GPM6A: variants seen among roughly 807,000 people sequenced by gnomAD.
GPM6A encodes glycoprotein M6A, also known as neuronal membrane glycoprotein M6-a.
Under a neutral mutation model 32.1 loss-of-function variants are expected in GPM6A, and 7 were observed. The ratio of observed to expected loss-of-function variants is 0.22; its 90% CI spans 0.12 to 0.41. The LOEUF (loss-of-function observed/expected upper bound fraction) is 0.41, where lower values mean the gene tolerates loss of function less well. Among genes scored for constraint, GPM6A ranks in the 10% least tolerant of loss-of-function variants. GPM6A has a pLI of 1.00. For missense variants in GPM6A, 235 were observed against 347.2 expected (o/e 0.68, Z 2.57); for synonymous variants, 130 against 123.4 (o/e 1.05, Z -0.35).
intron 1 of GPM6A, among the ~76,000 whole-genome samples, chr4:175,833,461 C>T (rs935309176): frequency 1.3e-5 from 2 of 152,092 alleles, no homozygotes; most frequent in Non-Finnish European, 2.9e-5. Flanking sequence ...CATCCGTAAT[C>T]CAGTTCATAG....
chr4:175,985,663 T>C (rs1740951793), intron 1 of GPM6A, among the ~76,000 whole-genome samples: 2 of 152,182 alleles, frequency 1.3e-5, no homozygotes, highest in African/African-American at 4.8e-5. Flanking sequence ...TTTCTAGTGT[T>C]TCACCATTAA....
chr4:175,971,048 G>C (rs1393705929), intron 1 of GPM6A: 2 of 321,774 alleles, frequency 6.2e-6, no homozygotes, highest in African/African-American at 2.2e-5. Context: ...AAAGGATACA[G>C]ACCCCAGAAA....
intron 1 of GPM6A, among the ~76,000 whole-genome samples, chr4:175,779,628 C>T (rs1733536363): frequency 6.6e-6 from 1 of 152,066 alleles, no homozygotes; most frequent in African/African-American, 2.4e-5. Flanking sequence ...CTCCACGCAT[C>T]CCTAGAGGCA....
At chr4:175,638,321 A>G (rs2110878555) in intron 6 of GPM6A, among the ~76,000 whole-genome samples, 1 of 152,160 alleles carries the variant, frequency 6.6e-6, no homozygotes, top group African/African-American at 2.4e-5. Flanking sequence ...CAAGACCTAC[A>G]TCATTATCAG....
At chr4:175,743,490 T>C (rs1731973186) in intron 1 of GPM6A, among the ~76,000 whole-genome samples, 1 of 151,760 alleles carries the variant, frequency 6.6e-6, no homozygotes, top group African/African-American at 2.4e-5. Flanking sequence ...ATGAAAACCA[T>C]ACAAGAAAAA....
At chr4:175,784,714 AGTGTGTGTGTGTATGT>A (rs1560931472) in intron 1 of GPM6A, among the ~76,000 whole-genome samples, 1 of 151,814 alleles carries the variant, frequency 6.6e-6, no homozygotes, top group African/African-American at 2.4e-5. Context: ...AAATATGCTA[AGTGTGTGTGTGTATGT>A]GTGTGTGTGT....
intron 1 of GPM6A, among the ~76,000 whole-genome samples, chr4:175,886,243 C>T (rs1005651450): frequency 2.6e-5 from 4 of 152,072 alleles, no homozygotes; most frequent in Admixed American, 6.5e-5. Context: ...GATATCAAAA[C>T]GACCTTAAAA....
At chr4:175,727,497 A>G (rs1332088976) in intron 1 of GPM6A, among the ~76,000 whole-genome samples, 1 of 152,194 alleles carries the variant, frequency 6.6e-6, no homozygotes, top group Non-Finnish European at 1.5e-5. Flanking sequence ...GAGATAAGAA[A>G]TTGGACAATT....
chr4:175,690,405 T>G (rs1744230298), intron 2 of GPM6A, among the ~76,000 whole-genome samples: 1 of 152,238 alleles, frequency 6.6e-6, no homozygotes, highest in African/African-American at 2.4e-5. Flanking sequence ...GACTGTTTTA[T>G]CAAATTACCA....
At chr4:175,687,289 C>T (rs531779901) in intron 2 of GPM6A, among the ~76,000 whole-genome samples, 7 of 152,262 alleles carry the variant, frequency 4.6e-5, no homozygotes, top group Admixed American at 2.0e-4. Flanking sequence ...TTTCATCTTA[C>T]AAGACTGAAA....
At chr4:175,984,248 T>C (rs986113070) in intron 1 of GPM6A, among the ~76,000 whole-genome samples, 5 of 152,152 alleles carry the variant, frequency 3.3e-5, no homozygotes, top group East Asian at 1.9e-4. Context: ...CTGCAACCTC[T>C]GCCTCCCAGG....
At chr4:175,840,942 A>C (rs1735916445) in intron 1 of GPM6A, among the ~76,000 whole-genome samples, 1 of 152,210 alleles carries the variant, frequency 6.6e-6, no homozygotes, top group African/African-American at 2.4e-5. Context: ...CTTAACATAT[A>C]GTAACACATG....
At chr4:175,655,587 A>C (rs1204147908) in intron 3 of GPM6A, among the ~76,000 whole-genome samples, 1 of 151,978 alleles carries the variant, frequency 6.6e-6, no homozygotes, top group Non-Finnish European at 1.5e-5. Context: ...GAATGTGAAA[A>C]ATTTTTCTGA....
At chr4:175,703,463 G>A (rs771962448) in intron 1 of GPM6A, among the ~76,000 whole-genome samples, 13 of 152,048 alleles carry the variant, frequency 8.5e-5, no homozygotes, top group Non-Finnish European at 1.5e-4. Context: ...GAGCCACCAC[G>A]CCCAGCCTAA....
chr4:175,993,908 T>A (rs570583995), intron 1 of GPM6A, among the ~76,000 whole-genome samples: 4 of 152,242 alleles, frequency 2.6e-5, no homozygotes, highest in Non-Finnish European at 5.9e-5. Flanking sequence ...TGCAACTTAC[T>A]TGTAGCTTTA....
intron 1 of GPM6A, among the ~76,000 whole-genome samples, chr4:175,833,329 G>T (rs1735671979): frequency 6.6e-6 from 1 of 152,126 alleles, no homozygotes; most frequent in African/African-American, 2.4e-5. Flanking sequence ...GTGAAACAAG[G>T]TGGACCCTTT....
At chr4:175,650,592 A>C (rs1381086794) in intron 4 of GPM6A, among the ~76,000 whole-genome samples, 2 of 152,112 alleles carry the variant, frequency 1.3e-5, no homozygotes, top group African/African-American at 2.4e-5. Context: ...GGTATGAGTC[A>C]CCACGCCCCA....
intron 1 of GPM6A, among the ~76,000 whole-genome samples, chr4:175,760,269 C>T (rs1167616646): frequency 2.0e-5 from 3 of 152,134 alleles, no homozygotes; most frequent in Non-Finnish European, 4.4e-5. Flanking sequence ...CATGTGTGTA[C>T]TTCTGAATTT....
At chr4:175,806,935 G>A (rs970651246) in intron 1 of GPM6A, 1 of 152,212 alleles carries the variant, frequency 6.6e-6, no homozygotes, top group Admixed American at 6.5e-5. Context: ...GACGAAGTCT[G>A]TCCACTAGAT....
Sources: allele counts gnomAD v4.1 joint callset (sites outside exome capture counted in the v4.1 genomes callset), GRCh38; gene constraint gnomAD v4.1.1; transcripts MANE v1.5; gene names NCBI Gene and HGNC (gene_info 2026-07-23, HGNC 2026-07-21).